The following SNX18 variants were observed in gnomAD, a reference collection of about 807,000 sequenced individuals.
SNX18 encodes the protein sorting nexin-18.
Under a neutral mutation model 48.7 loss-of-function variants are expected in SNX18, and 35 were observed. That is an observed-to-expected ratio of 0.72 (90% CI 0.55 to 0.95). SNX18 has a LOEUF of 0.95. Ranked by LOEUF, SNX18 falls within the 40% of genes least tolerant of loss-of-function variation. The pLI is 0.00. For missense variants in SNX18, 824 were observed against 871.0 expected (o/e 0.95, Z 0.68); for synonymous variants, 492 against 384.7 (o/e 1.28, Z -3.26).
At chr5:54,608,373 T>G in the SNX18 span, among the ~76,000 whole-genome samples, 1 of 152,208 alleles carries the variant, frequency 6.6e-6, no homozygotes, top group African/African-American at 2.4e-5. Context: ...GTGCTTTTTA[T>G]TTTTTATTTT....
the SNX18 span, among the ~76,000 whole-genome samples, chr5:54,552,857 G>A: frequency 6.6e-6 from 1 of 152,040 alleles, no homozygotes; most frequent in Non-Finnish European, 1.5e-5. Flanking sequence ...ACTAAGCGGG[G>A]AGGAGGGAGG....
the SNX18 span, among the ~76,000 whole-genome samples, chr5:54,631,352 G>C: frequency 6.6e-6 from 1 of 152,224 alleles, no homozygotes; most frequent in Non-Finnish European, 1.5e-5. Flanking sequence ...AATTATCATA[G>C]AGTAAAAATG....
In SNX18 at chr5:54,543,886, A is replaced by G. The variant is rs1762517919; in HGVS notation, c.*454A>G. 1 of 154,488 alleles carries G rather than the reference A, an allele frequency of 6.5e-6. No individual in the cohort carries two copies. The highest frequency in any genetic ancestry group is 1.4e-5 in the Non-Finnish European group (1 of 69,674). 9.6% of individuals were successfully genotyped at this position (154,488 alleles called of 1,614,324 possible). A position where few individuals can be genotyped will look rare whatever the true frequency, so the allele number is the denominator to read the frequency against. On this transcript the variant is annotated 3_prime_UTR_variant, in exon 2 of 2. Coordinates refer to ENST00000381410, the MANE Select transcript of SNX18 (RefSeq NM_001102575.2). ...AAACTCCAACTAGAGCAGCTATGCG[A>G]CCTTGTGCCTTTAGACTCTTGGTTT...
At chr5:54,617,699 T>C in the SNX18 span, among the ~76,000 whole-genome samples, 2 of 152,188 alleles carry the variant, frequency 1.3e-5, no homozygotes, top group African/African-American at 4.8e-5. Context: ...TCTCTGTTGA[T>C]GAATCTCTCT....
At chr5:54,537,240 A>G (rs1487540390) in intron 1 of SNX18, among the ~76,000 whole-genome samples, 1 of 152,216 alleles carries the variant, frequency 6.6e-6, no homozygotes, top group Admixed American at 6.5e-5. Context: ...AGGCTGCACT[A>G]CTTCATGTAT....
chr5:54,584,290 C>A, the SNX18 span, among the ~76,000 whole-genome samples: 1 of 152,108 alleles, frequency 6.6e-6, no homozygotes, highest in East Asian at 1.9e-4. Context: ...TCAGGCAGTC[C>A]GCGTGCCTCA....
At chr5:54,579,369 A>G in the SNX18 span, among the ~76,000 whole-genome samples, 1 of 152,052 alleles carries the variant, frequency 6.6e-6, no homozygotes, top group South Asian at 2.1e-4. Context: ...AGTAATAATG[A>G]GAACCACATC....
chr5:54,604,318 C>T, the SNX18 span, among the ~76,000 whole-genome samples: 9 of 152,116 alleles, frequency 5.9e-5, no homozygotes, highest in South Asian at 2.1e-4. Flanking sequence ...TGGGCACTGG[C>T]GTTCATATGA....
the SNX18 span, among the ~76,000 whole-genome samples, chr5:54,580,356 G>C: frequency 1.4e-4 from 21 of 152,196 alleles, 1 homozygote; most frequent in African/African-American, 5.1e-4. Flanking sequence ...TTTTTAAAAA[G>C]CATGAAATTT....
At chr5:54,534,359 G>C (rs1762311041) in intron 1 of SNX18, among the ~76,000 whole-genome samples, 1 of 151,976 alleles carries the variant, frequency 6.6e-6, no homozygotes, top group Non-Finnish European at 1.5e-5. Flanking sequence ...TTGGATTGAG[G>C]AAAGGAAGGC....
chr5:54,601,778 T>C, the SNX18 span, among the ~76,000 whole-genome samples: 1 of 152,148 alleles, frequency 6.6e-6, no homozygotes, highest in Non-Finnish European at 1.5e-5. Flanking sequence ...CACTGTTGCA[T>C]CACGTGAACT....
In SNX18 at chr5:54,518,760, C is replaced by T; in HGVS notation, c.808C>T (p.Gln270Ter). ...GCTGGGGCCCTATGGCCCCGAGTGG[C>T]AGGAGAACCCCTACCCGTTCCAGTG... is the stretch of plus-strand genomic sequence containing the variant. ...VVLGPYGPEW[Q>*]ENPYPFQCTI... The change falls in exon 1 of 2, where the codon CAG (glutamine) becomes TAG (stop). Residue 270 changes from glutamine to a stop codon, truncating the protein, a stop_gained. Transcript: ENST00000381410. LOFTEE classifies it high-confidence loss of function. 2 of 1,606,364 alleles carry T rather than the reference C, an allele frequency of 1.2e-6. No individual in the cohort carries two copies. Among genetic ancestry groups the T allele is most frequent in the South Asian group, 1.1e-5 (1 of 90,152 alleles).
In SNX18 at chr5:54,518,623, C is replaced by A; in HGVS notation, c.671C>A (p.Thr224Asn). The change falls in exon 1 of 2, where the codon ACC (threonine) becomes AAC (asparagine). Residue 224 changes from threonine (T) to asparagine (N), a missense_variant. By Grantham distance (65) the Thr-to-Asn change is moderately conservative (BLOSUM62 0). This residue lies in a region of SNX18 where 377 missense variants were observed against 350.6 expected (regional missense o/e 1.08). Coordinates refer to ENST00000381410, the MANE Select transcript of SNX18 (RefSeq NM_001102575.2). Reference sequence around the variant, plus strand: ...CCGTCGGGGCCCAAGAGCTCGGCCACCGTGAGCCGCAACCTCAATCGCTTC... The same window carrying A: ...CCGTCGGGGCCCAAGAGCTCGGCCAACGTGAGCCGCAACCTCAATCGCTTC... Reference protein sequence around the residue: ...HHPSGPKSSATVSRNLNRFST... With the variant: ...HHPSGPKSSANVSRNLNRFST... 1.9e-6 allele frequency: 3 copies of A among 1,560,732 alleles called. No individual in the cohort carries two copies. Among genetic ancestry groups the A allele is most frequent in the Non-Finnish European group, 2.6e-6 (3 of 1,155,548 alleles).
At chr5:54,623,238 G>A in the SNX18 span, among the ~76,000 whole-genome samples, 1 of 152,196 alleles carries the variant, frequency 6.6e-6, no homozygotes, top group Non-Finnish European at 1.5e-5. Flanking sequence ...CTTGGTTTGA[G>A]AATAGGAGGC....
the SNX18 span, among the ~76,000 whole-genome samples, chr5:54,575,638 A>G: frequency 6.6e-6 from 1 of 152,084 alleles, no homozygotes; most frequent in Non-Finnish European, 1.5e-5. Flanking sequence ...TGTTGGGATT[A>G]CAGGCATGAG....
chr5:54,614,710 C>A, the SNX18 span, among the ~76,000 whole-genome samples: 1 of 152,072 alleles, frequency 6.6e-6, no homozygotes, highest in Non-Finnish European at 1.5e-5. Context: ...GATACTCACT[C>A]TGGAGGCTGA....
At chr5:54,525,959 C>T (rs1206091015) in intron 1 of SNX18, among the ~76,000 whole-genome samples, 1 of 152,136 alleles carries the variant, frequency 6.6e-6, no homozygotes, top group Non-Finnish European at 1.5e-5. Context: ...GCAGGCTTAC[C>T]TCACTAGGAA....
the SNX18 span, among the ~76,000 whole-genome samples, chr5:54,622,144 C>T: frequency 2.0e-5 from 3 of 152,162 alleles, no homozygotes; most frequent in Non-Finnish European, 2.9e-5. Flanking sequence ...TTGCTATTTA[C>T]ATAGTAGGAG....
the SNX18 span, among the ~76,000 whole-genome samples, chr5:54,633,105 G>A: frequency 4.6e-5 from 7 of 152,134 alleles, no homozygotes; most frequent in Admixed American, 2.6e-4. Context: ...GAATCATTTG[G>A]TTTGCTCATT....
Sources: gnomAD v4.1 joint callset for allele counts (sites outside exome capture counted in the v4.1 genomes callset) on GRCh38, gnomAD v4.1.1 for gene constraint, gnomAD v4.1.1 regional missense constraint, MANE v1.5 for transcripts, NCBI Gene and HGNC (gene_info 2026-07-23, HGNC 2026-07-21) for gene names.